Variants in ADAMTS19 observed in about 807,000 individuals in gnomAD.
ADAMTS19 encodes ADAM metallopeptidase with thrombospondin type 1 motif 19.
ADAMTS19 carries 93 observed loss-of-function variants against 153.3 expected under a neutral mutation model. The ratio of observed to expected loss-of-function variants is 0.61; its 90% confidence interval spans 0.51 to 0.72. ADAMTS19 has a LOEUF of 0.72. Ranked by LOEUF, ADAMTS19 falls within the 30% of genes least tolerant of loss-of-function variation. The pLI, the probability that ADAMTS19 is intolerant of heterozygous loss-of-function variation, is 0.00. For missense variants in ADAMTS19, 1,482 were observed against 1,552.1 expected (o/e 0.95, Z 0.76); for synonymous variants, 600 against 556.6 (o/e 1.08, Z -1.10).
In ADAMTS19 at chr5:129,707,690, A is replaced by G. The variant is rs536539384; in HGVS notation, c.3312+3299A>G. Among the ~76,000 whole-genome samples, 11 of 152,342 alleles carry G rather than the reference A, an allele frequency of 7.2e-5. No homozygotes were observed. In the East Asian group the frequency reaches 2.1e-3, roughly 29 times the overall value. On this transcript the variant is annotated intron_variant, in intron 21 of 22. Coordinates refer to ENST00000274487, the MANE Select transcript of ADAMTS19 (RefSeq NM_133638.6). ...GCTGTGTCCTTGAAACAGGAATAGCAACAAGATGTATGTGATTGTAGGTGG... is the reference window on the plus strand; with the variant it reads ...GCTGTGTCCTTGAAACAGGAATAGCGACAAGATGTATGTGATTGTAGGTGG...
intron 8 of ADAMTS19, among the ~76,000 whole-genome samples, chr5:129,598,339 C>A (rs1750481343): frequency 6.6e-6 from 1 of 152,062 alleles, no homozygotes. Context: ...CATTATATTC[C>A]TGGAGTCTGT....
chr5:129,606,407 C>A (rs1163426218), intron 8 of ADAMTS19, among the ~76,000 whole-genome samples: 1 of 152,236 alleles, frequency 6.6e-6, no homozygotes, highest in African/African-American at 2.4e-5. Flanking sequence ...CTTCCATAAT[C>A]TGTGGCCAAA....
chr5:129,699,611 G>C (rs117707941), intron 19 of ADAMTS19, among the ~76,000 whole-genome samples: 1 of 152,228 alleles, frequency 6.6e-6, no homozygotes, highest in East Asian at 1.9e-4. Flanking sequence ...AATAAGTCGT[G>C]TGAGTGCTAC....
In ADAMTS19 at chr5:129,654,298, G is replaced by A. The variant is rs746081584; in HGVS notation, c.2177-8G>A. On this transcript the variant is annotated splice_region_variant and splice_polypyrimidine_tract_variant and intron_variant, in intron 13 of 22. Transcript: ENST00000274487. ...TTTCTCATTTCTTTTTATCTACTCT[G>A]TATGTAGAAAAACCATGTGCCTTGT... 5 of 1,602,010 alleles carry A rather than the reference G, an allele frequency of 3.1e-6. No homozygotes were observed. In the African/African-American group the frequency reaches 4.1e-5, roughly 13 times the overall value.
chr5:129,700,377 A>C, intron 19 of ADAMTS19, among the ~76,000 whole-genome samples: 1 of 152,140 alleles, frequency 6.6e-6, no homozygotes, highest in East Asian at 1.9e-4. Context: ...AGCCTAAAGA[A>C]GCATGTGTAG....
chr5:129,490,908 G>A (rs150103797), intron 2 of ADAMTS19, among the ~76,000 whole-genome samples: 14 of 151,902 alleles, frequency 9.2e-5, no homozygotes, highest in Non-Finnish European at 1.5e-4. Context: ...GTACTCCCTC[G>A]TTCTCTTTCG....
At chr5:129,636,398 TCTTC>T (rs1752535923) in intron 10 of ADAMTS19, among the ~76,000 whole-genome samples, 1 of 152,186 alleles carries the variant, frequency 6.6e-6, no homozygotes, top group African/African-American at 2.4e-5. Flanking sequence ...TAAAATAGGT[TCTTC>T]CTTCTTTTTA....
intron 10 of ADAMTS19, among the ~76,000 whole-genome samples, chr5:129,631,550 T>G: frequency 6.6e-6 from 1 of 152,016 alleles, no homozygotes; most frequent in East Asian, 1.9e-4. Flanking sequence ...ATTATTGTTA[T>G]GTCTTCTTGA....
intron 2 of ADAMTS19, among the ~76,000 whole-genome samples, chr5:129,472,367 T>A (rs1009290394): frequency 1.3e-5 from 2 of 152,196 alleles, no homozygotes; most frequent in Non-Finnish European, 2.9e-5. Context: ...CTAAACTTCA[T>A]ACCCTAAGGA....
intron 21 of ADAMTS19, among the ~76,000 whole-genome samples, chr5:129,712,729 G>A (rs779225740): frequency 6.6e-6 from 1 of 152,080 alleles, no homozygotes; most frequent in Non-Finnish European, 1.5e-5. Flanking sequence ...TGATCGATCA[G>A]AGCAGAAATA....
intron 10 of ADAMTS19, among the ~76,000 whole-genome samples, chr5:129,638,622 A>T (rs1183213139): frequency 6.6e-6 from 1 of 151,776 alleles, no homozygotes. Context: ...TAATAATTAT[A>T]ATAAAGTTCT....
chr5:129,719,546 A>G (rs1322255455), intron 21 of ADAMTS19, among the ~76,000 whole-genome samples: 1 of 152,158 alleles, frequency 6.6e-6, no homozygotes, highest in Non-Finnish European at 1.5e-5. Context: ...CTAGATGTGG[A>G]AGTCTTTTCT....
At chr5:129,468,036 A>C (rs544959523) in intron 2 of ADAMTS19, among the ~76,000 whole-genome samples, 24 of 152,358 alleles carry the variant, frequency 1.6e-4, no homozygotes, top group African/African-American at 5.8e-4. Context: ...TCTGATTGCA[A>C]GGATCTTTTG....
At chr5:129,523,839 T>A (rs1263148519) in intron 3 of ADAMTS19, among the ~76,000 whole-genome samples, 2 of 151,772 alleles carry the variant, frequency 1.3e-5, no homozygotes, top group Non-Finnish European at 2.9e-5. Context: ...GAAAAAAAAA[T>A]CATGCTCATG....
intron 16 of ADAMTS19, among the ~76,000 whole-genome samples, chr5:129,668,995 A>G (rs763010654): frequency 1.3e-5 from 2 of 152,102 alleles, no homozygotes; most frequent in Admixed American, 1.3e-4. Flanking sequence ...AACTTCCTAC[A>G]AAGCTATGGT....
At position 129,665,551 on chromosome 5, in the gene ADAMTS19, G is replaced by T; in HGVS notation, c.2478G>T (p.Val826=). The T allele has an allele frequency of 1.2e-6, 2 of 1,610,686 alleles. No individual in the cohort carries two copies. Among genetic ancestry groups the T allele is most frequent in the Non-Finnish European group, 1.7e-6 (2 of 1,177,842 alleles). Reference sequence around the variant, plus strand: ...CTGGAGCAAGAAGAATCAAAGTTGTGGAGGAAAAGCCGGCACATAGCTATT... The same window carrying T: ...CTGGAGCAAGAAGAATCAAAGTTGTTGAGGAAAAGCCGGCACATAGCTATT... ...IPAGARRIKV[V]EEKPAHSYLA... The change falls in exon 16 of 23, where the codon GTG becomes GTT. Residue 826 remains valine (V), a synonymous_variant. Coordinates refer to ENST00000274487, the MANE Select transcript of ADAMTS19 (RefSeq NM_133638.6).
intron 20 of ADAMTS19, 128 bp from the exon 21 acceptor site, chr5:129,704,111 A>G (rs2127166756): frequency 3.1e-6 from 3 of 974,090 alleles, no homozygotes; most frequent in South Asian, 1.9e-5. Context: ...CTTATTATTT[A>G]TAATTTTATC....
intron 2 of ADAMTS19, among the ~76,000 whole-genome samples, chr5:129,467,254 T>C (rs1580977126): frequency 1.3e-5 from 2 of 152,108 alleles, no homozygotes; most frequent in Non-Finnish European, 2.9e-5. Flanking sequence ...ATTTTCCAGA[T>C]GGTGTGTGGC....
At chr5:129,552,732 CAG>C (rs34616086) in intron 7 of ADAMTS19, among the ~76,000 whole-genome samples, 4,215 of 151,752 alleles carry the variant, frequency 0.028, 196 homozygotes, top group African/African-American at 0.096. Flanking sequence ...GGTGTAGAAA[CAG>C]AACATAGGGA....
Sources: allele counts gnomAD v4.1 joint callset (sites outside exome capture counted in the v4.1 genomes callset), GRCh38; gene constraint gnomAD v4.1.1; transcripts MANE v1.5; gene names NCBI Gene and HGNC (gene_info 2026-07-23, HGNC 2026-07-21).